RACGAP1: variants seen among roughly 807,000 people sequenced by gnomAD.
The protein encoded by RACGAP1 is rac GTPase-activating protein 1.
A neutral mutation model predicts 78.1 loss-of-function variants in RACGAP1; 30 were observed. The observed-to-expected ratio is 0.38, with a 90% CI of 0.29 to 0.52. The LOEUF is 0.52. Among genes scored for constraint, RACGAP1 ranks in the 20% least tolerant of loss-of-function variants. The pLI, the probability that RACGAP1 is intolerant of heterozygous loss-of-function variation, is 0.82. For missense variants in RACGAP1, 587 were observed against 777.1 expected, an observed-to-expected ratio of 0.76 and a Z score of 2.91; for synonymous variants, 231 against 264.8, an observed-to-expected ratio of 0.87 and a Z score of 1.24.
At position 50,001,357 on chromosome 12, in the gene RACGAP1, G is replaced by A; in HGVS notation, c.550-105C>T. ...CTTGGATACAGGTCCTGGGGATTAGGGCTACAGTAAATAACAAACAATGTG... is the reference window on the plus strand; with the variant it reads ...CTTGGATACAGGTCCTGGGGATTAGAGCTACAGTAAATAACAAACAATGTG... On this transcript the variant is annotated intron_variant, in intron 6 of 16. Coordinates refer to ENST00000312377, the MANE Select transcript of RACGAP1 (RefSeq NM_001319999.2). The A allele has an allele frequency of 3.8e-6, 3 of 785,610 alleles. No homozygotes were observed. The East Asian group carries it at 8.1e-5, about 21-fold the overall frequency. The allele number at this position is 785,610 out of a possible 1,614,324, so 48.7% of individuals were successfully genotyped here.
chr12:50,025,432 A>T lies in RACGAP1; in HGVS notation c.-39T>A, dbSNP rs1950236519. ...CCTGGCCCCACCTGGGCCACCCTTC[A>T]CTTCGCTCCGCGCCTCACCCAACGG... On this transcript the variant is annotated 5_prime_UTR_variant, in exon 1 of 17. Transcript: ENST00000312377. 1 of 985,376 alleles carries T rather than the reference A, an allele frequency of 1.0e-6. No homozygotes were observed. The allele number at this position is 985,376 out of a possible 1,614,324, so 61.0% of individuals were successfully genotyped here.
At chr12:49,998,991 T>C in intron 9 of RACGAP1, 150 bp downstream of exon 9, 3 of 975,430 alleles carry the variant, frequency 3.1e-6, no homozygotes, top group Non-Finnish European at 4.2e-6. Flanking sequence ...CTTACCTCTG[T>C]AACCAATAGT....
intron 1 of RACGAP1, 98 bp from the exon 2 acceptor site, chr12:50,016,817 T>C: frequency 1.4e-6 from 2 of 1,416,296 alleles, no homozygotes; most frequent in Non-Finnish European, 1.9e-6. Flanking sequence ...ATCTGGACTC[T>C]TCCATTTATA....
chr12:49,991,566 CA>C (rs1295761876), intron 15 of RACGAP1, among the ~76,000 whole-genome samples: 1 of 138,862 alleles, frequency 7.2e-6, no homozygotes, highest in Non-Finnish European at 1.5e-5. Flanking sequence ...CAGCTCACTG[CA>C]AATTCCGCCT....
At chr12:50,019,896 A>C (rs560339581) in intron 1 of RACGAP1, 4 of 152,264 alleles carry the variant, frequency 2.6e-5, no homozygotes, top group Admixed American at 1.3e-4. Flanking sequence ...TCTCACTACC[A>C]AAATATAAGG....
At chr12:49,995,263 G>A (rs1342056472) in intron 10 of RACGAP1, among the ~76,000 whole-genome samples, 1 of 152,080 alleles carries the variant, frequency 6.6e-6, no homozygotes, top group Non-Finnish European at 1.5e-5. Flanking sequence ...CAGGAGAATC[G>A]CTTGAACCCA....
intron 1 of RACGAP1, among the ~76,000 whole-genome samples, chr12:50,021,841 C>G (rs1367137875): frequency 2.0e-5 from 3 of 152,188 alleles, no homozygotes; most frequent in Non-Finnish European, 4.4e-5. Context: ...ACTTTAAGAT[C>G]CTTTCATAGG....
upstream of RACGAP1, among the ~76,000 whole-genome samples, chr12:50,027,876 G>C (rs375382854): frequency 2.0e-5 from 3 of 152,278 alleles, no homozygotes; most frequent in East Asian, 5.8e-4. Context: ...GTTTATGAAG[G>C]TTTAGGCTGT....
chr12:50,023,543 G>A (rs903761568), intron 1 of RACGAP1, among the ~76,000 whole-genome samples: 5 of 152,074 alleles, frequency 3.3e-5, no homozygotes, highest in Non-Finnish European at 4.4e-5. Context: ...AGACCAGCCT[G>A]GCCAACATGG....
At chr12:50,026,154 C>T (rs778218985), upstream of RACGAP1, among the ~76,000 whole-genome samples, 3 of 152,106 alleles carry the variant, frequency 2.0e-5, no homozygotes, top group African/African-American at 7.2e-5. Flanking sequence ...AAACTCTGGA[C>T]CCACAGTGAG....
intron 1 of RACGAP1, chr12:50,019,678 C>T (rs953965203): frequency 1.8e-5 from 1 of 56,398 alleles, no homozygotes; most frequent in Non-Finnish European, 4.8e-5. Context: ...CTGATCATCA[C>T]AAGACCCCCT....
intron 7 of RACGAP1, 38 bp from the exon 8 acceptor site, chr12:49,999,771 A>G (rs750921138): frequency 2.0e-6 from 3 of 1,494,364 alleles, no homozygotes; most frequent in South Asian, 1.1e-5. Context: ...ACAAACAAAG[A>G]ATCTAACTTA....
At chr12:50,032,566 T>TGTGTGTGTGTGTGTGTGA (rs1491208086) in intron 1 of RACGAP1, among the ~76,000 whole-genome samples, 1 of 141,048 alleles carries the variant, frequency 7.1e-6, no homozygotes, top group African/African-American at 2.5e-5. Context: ...TGTGTGTGTG[T>TGTGTGTGTGTGTGTGTGA]GAAGCGGGGT....
At chr12:50,020,963 C>T (rs1348120324) in intron 1 of RACGAP1, 1 of 227,272 alleles carries the variant, frequency 4.4e-6, no homozygotes, top group African/African-American at 2.3e-5. Context: ...AGAAGTGACT[C>T]TCAGGAATTA....
chr12:50,031,843 G>C, exon 2 of RACGAP1: 1 of 691,142 alleles, frequency 1.4e-6, no homozygotes, highest in Non-Finnish European at 1.8e-6. Context: ...CCTTTCACAG[G>C]TCAGCTGTGG....
chr12:50,031,877 G>A, intron 1 of RACGAP1: 2 of 336,006 alleles, frequency 6.0e-6, no homozygotes, highest in Non-Finnish European at 8.5e-6. Context: ...TCTATAAATG[G>A]AAATAATAAT....
intron 2 of RACGAP1, among the ~76,000 whole-genome samples, chr12:50,010,318 C>CTTTTTTTTTTTT (rs370154975): frequency 7.0e-6 from 1 of 142,674 alleles, no homozygotes; most frequent in Non-Finnish European, 1.5e-5. Flanking sequence ...CTTTTTTTAA[C>CTTTTTTTTTTTT]TTTTTTTTTT....
At chr12:50,023,136 G>A (rs1950095439) in intron 1 of RACGAP1, among the ~76,000 whole-genome samples, 1 of 152,098 alleles carries the variant, frequency 6.6e-6, no homozygotes, top group African/African-American at 2.4e-5. Flanking sequence ...TAAATATTTG[G>A]TGAATAAATG....
At chr12:49,995,489 CATA>C (rs1948199944) in intron 10 of RACGAP1, among the ~76,000 whole-genome samples, 1 of 151,800 alleles carries the variant, frequency 6.6e-6, no homozygotes. Flanking sequence ...ATGTTACTTA[CATA>C]ATAATTTTTT....
Sources: gnomAD v4.1 joint callset for allele counts (sites outside exome capture counted in the v4.1 genomes callset) on GRCh38, gnomAD v4.1.1 for gene constraint, MANE v1.5 for transcripts, NCBI Gene and HGNC (gene_info 2026-07-23, HGNC 2026-07-21) for gene names.